CDH1: variants seen among roughly 807,000 people sequenced by gnomAD.
CDH1 encodes the protein cadherin-1.
Under a neutral mutation model 84.5 loss-of-function variants are expected in CDH1, and 35 were observed. The observed-to-expected ratio is 0.41, with a 90% CI of 0.32 to 0.55. The LOEUF is 0.55. Among genes scored for constraint, CDH1 ranks in the 20% least tolerant of loss-of-function variants. CDH1 has a pLI of 0.19. For missense variants in CDH1, 994 were observed against 1,126.6 expected (o/e 0.88, Z 1.68); for synonymous variants, 417 against 439.0 (o/e 0.95, Z 0.63).
Position 68,773,390 on chromosome 16 carries a change from A to G in CDH1, c.164-28280A>G, listed in dbSNP as rs1208103874. On this transcript the variant is annotated intron_variant, in intron 2 of 15. Coordinates refer to ENST00000261769, the MANE Select transcript of CDH1 (RefSeq NM_004360.5). ...TGGCTCACTGCAACTTCTGCCTCCC[A>G]GGTTCAAGTGATTCTCCTGCCTCAG... Among the ~76,000 whole-genome samples, 4 of 148,358 alleles carry G rather than the reference A, an allele frequency of 2.7e-5. No individual in the cohort carries two copies. In the East Asian group the frequency reaches 5.9e-4, roughly 22 times the overall value.
chr16:68,785,109 C>T (rs192051507), intron 2 of CDH1, among the ~76,000 whole-genome samples: 4 of 152,304 alleles, frequency 2.6e-5, no homozygotes, highest in Non-Finnish European at 4.4e-5. Flanking sequence ...CTCCCCCATA[C>T]CTAAAATCTC....
intron 14 of CDH1, among the ~76,000 whole-genome samples, chr16:68,828,730 A>G (rs1471555461): frequency 6.6e-6 from 1 of 152,218 alleles, no homozygotes; most frequent in East Asian, 1.9e-4. Flanking sequence ...CTTTTCTGTC[A>G]TGGTTATACC....
intron 3 of CDH1, among the ~76,000 whole-genome samples, chr16:68,807,495 C>A (rs775125546): frequency 1.5e-4 from 23 of 151,994 alleles, no homozygotes; most frequent in Non-Finnish European, 3.2e-4. Context: ...GATGGCAAGA[C>A]CCTGCCTCTA....
intron 2 of CDH1, among the ~76,000 whole-genome samples, chr16:68,766,535 G>T (rs1477185772): frequency 6.6e-6 from 1 of 152,092 alleles, no homozygotes; most frequent in Non-Finnish European, 1.5e-5. Context: ...GGTTTTGGGG[G>T]AGATTAAATG....
chr16:68,833,200 T>C, intron 15 of CDH1, 90 bp from the exon 16 acceptor site: 4 of 1,123,890 alleles, frequency 3.6e-6, no homozygotes, highest in Admixed American at 1.7e-5. Flanking sequence ...GGGTGCATTG[T>C]CGTACCTTAC....
chr16:68,767,204 TC>T (rs1322883333), intron 2 of CDH1, among the ~76,000 whole-genome samples: 1 of 151,748 alleles, frequency 6.6e-6, no homozygotes, highest in Non-Finnish European at 1.5e-5. Flanking sequence ...TTTTTTTTTT[TC>T]TTTTCCCCTG....
At chr16:68,776,939 C>T (rs1471286150) in intron 2 of CDH1, among the ~76,000 whole-genome samples, 3 of 152,214 alleles carry the variant, frequency 2.0e-5, no homozygotes, top group Admixed American at 1.3e-4. Context: ...GACTTAACCT[C>T]AAGTATGTCT....
chr16:68,783,295 G>A (rs1959934365), intron 2 of CDH1, among the ~76,000 whole-genome samples: 1 of 151,264 alleles, frequency 6.6e-6, no homozygotes, highest in African/African-American at 2.4e-5. Flanking sequence ...TACTCAGGAG[G>A]CTGAGGCACG....
At chr16:68,800,958 G>T (rs557396716) in intron 2 of CDH1, among the ~76,000 whole-genome samples, 1 of 152,198 alleles carries the variant, frequency 6.6e-6, no homozygotes, top group South Asian at 2.1e-4. Flanking sequence ...TCTTCGTCAC[G>T]ATTTTGTCCT....
chr16:68,805,253 C>T (rs1379921859), intron 3 of CDH1, among the ~76,000 whole-genome samples: 1 of 151,538 alleles, frequency 6.6e-6, no homozygotes, highest in Non-Finnish European at 1.5e-5. Flanking sequence ...CTCCTGACCT[C>T]AAGCAGTCCA....
At chr16:68,825,270 C>T (rs990872309) in intron 13 of CDH1, among the ~76,000 whole-genome samples, 4 of 152,050 alleles carry the variant, frequency 2.6e-5, no homozygotes, top group African/African-American at 7.2e-5. Flanking sequence ...GGTTAGGCCA[C>T]AGGGGCTGGT....
intron 2 of CDH1, among the ~76,000 whole-genome samples, chr16:68,758,986 G>A (rs1483341771): frequency 6.6e-6 from 1 of 151,956 alleles, no homozygotes; most frequent in Non-Finnish European, 1.5e-5. Flanking sequence ...TAGAGAGATG[G>A]GGTTTCACCA....
intron 15 of CDH1, 29 bp downstream of exon 15, chr16:68,829,826 A>G: frequency 6.8e-6 from 11 of 1,608,564 alleles, no homozygotes; most frequent in Non-Finnish European, 9.4e-6. Flanking sequence ...AAGCCAAAGC[A>G]TGGCTCATCT....
intron 2 of CDH1, among the ~76,000 whole-genome samples, chr16:68,792,915 CTGTTTTCAGGG>C (rs1960248777): frequency 6.6e-6 from 1 of 152,220 alleles, no homozygotes; most frequent in South Asian, 2.1e-4. Context: ...TTGTTGACAT[CTGTTTTCAGGG>C]TGTAGCTCAG....
chr16:68,789,074 A>C (rs1363943108), intron 2 of CDH1, among the ~76,000 whole-genome samples: 1 of 151,828 alleles, frequency 6.6e-6, no homozygotes, highest in African/African-American at 2.4e-5. Context: ...CCCAAGCTGG[A>C]GTGCAGTGGC....
intron 5 of CDH1, among the ~76,000 whole-genome samples, chr16:68,809,536 G>GT (rs1156271514): frequency 2.6e-5 from 4 of 151,396 alleles, no homozygotes; most frequent in South Asian, 2.1e-4. Context: ...TTGGATTTTT[G>GT]TTTTTTTGAG....
intron 13 of CDH1, among the ~76,000 whole-genome samples, chr16:68,825,803 C>CTT (rs869187109): frequency 0.07 from 6,636 of 94,486 alleles, 928 homozygotes; most frequent in African/African-American, 0.22. Flanking sequence ...TAAAGGGAAT[C>CTT]TTTTTTTTTT....
rs1302519050 is a variant in CDH1 at position 68,758,485 on chromosome 16, G to A, written c.163+20074G>A. 2.6e-5 allele frequency among the ~76,000 whole-genome samples: 4 copies of A among 151,900 alleles called. No homozygotes were observed. The East Asian group carries it at 7.7e-4, about 29-fold the overall frequency. On this transcript the variant is annotated intron_variant, in intron 2 of 15. Transcript: ENST00000261769. ...ATCTGTAGTCCTAGCTACTTGGGAG[G>A]TTGAGGCAGGAGGATCACTTGAGCC...
At chr16:68,788,024 A>T (rs902938145) in intron 2 of CDH1, among the ~76,000 whole-genome samples, 4 of 151,970 alleles carry the variant, frequency 2.6e-5, no homozygotes, top group Non-Finnish European at 5.9e-5. Flanking sequence ...ACGAGGTTTC[A>T]CCATGTTGGC....
Sources: gnomAD v4.1 joint callset for allele counts (sites outside exome capture counted in the v4.1 genomes callset) on GRCh38, gnomAD v4.1.1 for gene constraint, MANE v1.5 for transcripts, NCBI Gene and HGNC (gene_info 2026-07-23, HGNC 2026-07-21) for gene names.